The following ELF2 variants were observed in gnomAD, a reference collection of about 807,000 sequenced individuals.
The protein encoded by ELF2 is E74 like ETS transcription factor 2.
In ELF2, 11 loss-of-function variants were observed where a neutral mutation model predicts 54.8. The ratio of observed to expected loss-of-function variants is 0.20; its 90% CI spans 0.13 to 0.33. The LOEUF is 0.33. Among genes scored for constraint, ELF2 ranks in the 10% least tolerant of loss-of-function variants. The pLI, the probability that ELF2 is intolerant of heterozygous loss-of-function variation, is 1.00. For missense variants in ELF2, 513 were observed against 703.0 expected, an observed-to-expected ratio of 0.73 and a Z score of 3.06; for synonymous variants, 203 against 245.1, an observed-to-expected ratio of 0.83 and a Z score of 1.61.
At chr4:139,174,597 C>T (rs1339818155) in intron 1 of ELF2, among the ~76,000 whole-genome samples, 2 of 135,708 alleles carry the variant, frequency 1.5e-5, no homozygotes, top group Non-Finnish European at 3.2e-5. Flanking sequence ...ACAGAAACTA[C>T]TCAAAAAAAA....
intron 4 of ELF2, chr4:139,084,024 G>T: frequency 6.4e-7 from 1 of 1,567,276 alleles, no homozygotes. Context: ...TGACTGTGAG[G>T]TGGACACTGT....
intron 2 of ELF2, among the ~76,000 whole-genome samples, chr4:139,138,606 C>A (rs1738414130): frequency 6.6e-6 from 1 of 152,092 alleles, no homozygotes; most frequent in Non-Finnish European, 1.5e-5. Context: ...ATATTTCATT[C>A]TTCTTCTTTG....
chr4:139,152,252 A>T (rs543388561), intron 1 of ELF2, among the ~76,000 whole-genome samples: 1 of 152,226 alleles, frequency 6.6e-6, no homozygotes. Context: ...AATGTACAAA[A>T]TTAGAATTAA....
chr4:139,176,528 G>A (rs1036706626), intron 1 of ELF2, among the ~76,000 whole-genome samples: 1 of 151,978 alleles, frequency 6.6e-6, no homozygotes, highest in African/African-American at 2.4e-5. Context: ...GCTTCCTCCG[G>A]AGCCGGACCC....
intron 1 of ELF2, among the ~76,000 whole-genome samples, chr4:139,169,226 T>C (rs935464952): frequency 6.6e-6 from 1 of 151,664 alleles, no homozygotes; most frequent in African/African-American, 2.4e-5. Context: ...CGCAGGCCTG[T>C]AGTCCCAGGT....
intron 5 of ELF2, among the ~76,000 whole-genome samples, chr4:139,072,852 T>C (rs918716606): frequency 1.6e-4 from 24 of 152,232 alleles, no homozygotes; most frequent in African/African-American, 5.3e-4. Context: ...GTTGCTCTTA[T>C]TGTGAATCCC....
At chr4:139,098,469 C>CTT (rs559858763) in intron 4 of ELF2, among the ~76,000 whole-genome samples, 17 of 140,158 alleles carry the variant, frequency 1.2e-4, no homozygotes, top group East Asian at 2.1e-4. Flanking sequence ...ATTTTTAAAA[C>CTT]TTTTTTTTTT....
At chr4:139,077,171 G>A (rs1176346246) in intron 4 of ELF2, among the ~76,000 whole-genome samples, 7 of 152,064 alleles carry the variant, frequency 4.6e-5, no homozygotes, top group Non-Finnish European at 7.4e-5. Flanking sequence ...AGGACCAGAA[G>A]TGTTTCAGAT....
chr4:139,068,726 G>A (rs1301031335), intron 6 of ELF2, among the ~76,000 whole-genome samples: 6 of 152,162 alleles, frequency 3.9e-5, no homozygotes, highest in Non-Finnish European at 5.9e-5. Context: ...TTTTCTACAC[G>A]AAAGAGGATT....
At chr4:139,119,876 C>A (rs981123911) in intron 4 of ELF2, among the ~76,000 whole-genome samples, 1 of 152,122 alleles carries the variant, frequency 6.6e-6, no homozygotes, top group Admixed American at 6.5e-5. Context: ...CCGGTTCAGG[C>A]AATTCTCTTG....
chr4:139,099,984 G>A (rs1171202913), intron 4 of ELF2, among the ~76,000 whole-genome samples: 3 of 152,294 alleles, frequency 2.0e-5, no homozygotes, highest in East Asian at 1.9e-4. Flanking sequence ...AATGGCATGC[G>A]TGAACACCCT....
intron 1 of ELF2, among the ~76,000 whole-genome samples, chr4:139,168,405 A>G (rs921618448): frequency 9.2e-5 from 14 of 152,200 alleles, no homozygotes; most frequent in Non-Finnish European, 1.6e-4. Flanking sequence ...ACATTTCTGT[A>G]GTAGTACAGA....
At chr4:139,095,019 T>C (rs1183202118) in intron 4 of ELF2, among the ~76,000 whole-genome samples, 1 of 152,160 alleles carries the variant, frequency 6.6e-6, no homozygotes, top group African/African-American at 2.4e-5. Flanking sequence ...TTTTATGTGT[T>C]AATTAAGTCA....
rs763356873 is a variant in ELF2, at chr4:139,059,231, T to C, written c.1534A>G (p.Met512Val). The change falls in exon 10 of 10, where the codon ATG becomes GTG. Residue 512 changes from methionine (M) to valine (V), a missense_variant. Physicochemically the swap from Met to Val is conservative, Grantham distance 21. Transcript: ENST00000686138. ...AHGTPVMRLS[M>V]PTQQASGQTP... ...TGGCCAGATGCCTGCTGAGTAGGCA[T>C]TGATAGTCTCATTACAGGTGTACCA... The C allele has an allele frequency of 2.3e-5, 37 of 1,613,838 alleles. No individual in the cohort carries two copies. Among genetic ancestry groups the C allele is most frequent in the Admixed American group, 2.0e-4 (12 of 59,986 alleles).
At chr4:139,161,204 C>T (rs1438009172) in intron 1 of ELF2, among the ~76,000 whole-genome samples, 1 of 151,998 alleles carries the variant, frequency 6.6e-6, no homozygotes, top group Non-Finnish European at 1.5e-5. Context: ...AGGAATCAAC[C>T]CAAATGCCTT....
At chr4:139,167,704 C>G (rs1160928377) in intron 1 of ELF2, among the ~76,000 whole-genome samples, 1 of 152,134 alleles carries the variant, frequency 6.6e-6, no homozygotes, top group Non-Finnish European at 1.5e-5. Flanking sequence ...TGCTCTGTTC[C>G]TGAAGCCCTA....
chr4:139,093,417 A>C (rs917893350), intron 4 of ELF2, among the ~76,000 whole-genome samples: 2 of 152,258 alleles, frequency 1.3e-5, no homozygotes, highest in South Asian at 4.1e-4. Context: ...TGTTTGCAGA[A>C]GATAGAAGAG....
Position 139,059,176 on chromosome 4 carries a change from A to T in ELF2, c.1589T>A (p.Ile530Lys), listed in dbSNP as rs752966043. 1 of 1,613,916 alleles carries T rather than the reference A, an allele frequency of 6.2e-7. No individual in the cohort carries two copies. Residue 530 changes from isoleucine (I) to lysine (K), a missense_variant, in exon 10 of 10, where the codon ATA (isoleucine) becomes AAA (lysine). Ile to Lys is a moderately radical substitution (Grantham distance 102). Transcript: ENST00000686138. ...QTPPRVISAV[I>K]KGPEVKSEAV... ...TTCCGATTTAACCTCTGGCCCCTTT[A>T]TGACTGCACTGATAACTCGAGGAGG...
chr4:139,114,605 A>C (rs1735380036), intron 4 of ELF2, among the ~76,000 whole-genome samples: 1 of 143,332 alleles, frequency 7.0e-6, no homozygotes, highest in African/African-American at 2.6e-5. Flanking sequence ...ACAATTTAGG[A>C]GCATGCTCAG....
Sources: allele counts gnomAD v4.1 joint callset (sites outside exome capture counted in the v4.1 genomes callset), GRCh38; gene constraint gnomAD v4.1.1; transcripts MANE v1.5; gene names NCBI Gene and HGNC (gene_info 2026-07-23, HGNC 2026-07-21).